Variants in E2F3 observed in about 807,000 individuals in gnomAD.
E2F3 encodes transcription factor E2F3.
E2F3 carries 11 observed loss-of-function variants against 44.4 expected under a neutral mutation model. That is an observed-to-expected ratio of 0.25 (90% CI 0.16 to 0.41). E2F3 has a LOEUF of 0.41. Among genes scored for constraint, E2F3 ranks in the 10% least tolerant of loss-of-function variants. The pLI is 1.00. For synonymous variants in E2F3, 249 were observed against 253.0 expected, an observed-to-expected ratio of 0.98 and a Z score of 0.15; for missense variants, 487 against 583.6, an observed-to-expected ratio of 0.83 and a Z score of 1.70.
chr6:20,490,024 G>T lies in E2F3; in HGVS notation c.1136-144G>T. Reference sequence around the variant, plus strand: ...TTTTTTGTACCTGTTAGCATAAAAGGTGATCTGCATCATAAAGTCGTCTCA... The same window carrying T: ...TTTTTTGTACCTGTTAGCATAAAAGTTGATCTGCATCATAAAGTCGTCTCA... On this transcript the variant is annotated intron_variant, in intron 6 of 6. Coordinates refer to ENST00000346618, the MANE Select transcript of E2F3 (RefSeq NM_001949.5). The surrounding 1 kb of genome is among the most constrained non-coding windows in gnomAD (Gnocchi z 4.3). 1 of 892,962 alleles carries T rather than the reference G, an allele frequency of 1.1e-6. No individual in the cohort carries two copies. Among genetic ancestry groups the T allele is most frequent in the Non-Finnish European group, 1.6e-6 (1 of 607,486 alleles). 55.3% of individuals were successfully genotyped at this position (892,962 alleles called of 1,614,324 possible).
chr6:20,434,980 C>T (rs757790446), intron 1 of E2F3, among the ~76,000 whole-genome samples: 2 of 152,164 alleles, frequency 1.3e-5, no homozygotes, highest in Non-Finnish European at 2.9e-5. Flanking sequence ...GCGCCAGGGC[C>T]GACAGATTTG....
At chr6:20,445,209 C>A in intron 1 of E2F3, 1 of 891,724 alleles carries the variant, frequency 1.1e-6, no homozygotes, top group Non-Finnish European at 1.3e-6. Flanking sequence ...CCCAGGATGA[C>A]AAGGCATTGA....
At chr6:20,486,580 A>AT (rs1561887688) in intron 4 of E2F3, 109 bp from the exon 5 acceptor site, 4 of 659,324 alleles carry the variant, frequency 6.1e-6, no homozygotes. Flanking sequence ...CCACATATGC[A>AT]TACTTCTAAG....
At chr6:20,477,245 T>C (rs1202828102) in intron 1 of E2F3, among the ~76,000 whole-genome samples, 1 of 152,124 alleles carries the variant, frequency 6.6e-6, no homozygotes, top group Non-Finnish European at 1.5e-5. Context: ...ACAGGTGTGA[T>C]CCATGCACCC....
intron 1 of E2F3, among the ~76,000 whole-genome samples, chr6:20,478,522 C>T (rs1252950330): frequency 6.6e-6 from 1 of 152,120 alleles, no homozygotes; most frequent in Admixed American, 6.5e-5. Context: ...GAAATTGCAA[C>T]TCTCGGCTGG....
Position 20,490,220 on chromosome 6 carries a change from C to T in E2F3, c.1188C>T (p.Asn396=). Residue 396 remains asparagine, a synonymous_variant, in exon 7 of 7, where the codon AAC becomes AAT. Transcript: ENST00000346618. This position sits in a 1 kb window ranked among gnomAD's most constrained non-coding sequence, Gnocchi z 4.3. ...GHSDCSVSMG[N]LSPLASPANL... is the part of the protein sequence containing the mutation. Reference sequence around the variant, plus strand: ...GCGATTGCTCAGTTTCTATGGGAAACCTTTCTCCTCTGGCCTCCCCAGCCA... The same window carrying T: ...GCGATTGCTCAGTTTCTATGGGAAATCTTTCTCCTCTGGCCTCCCCAGCCA... The T allele has an allele frequency of 6.2e-7, 1 of 1,614,038 alleles. No homozygotes were observed. The highest frequency in any genetic ancestry group is 8.5e-7 in the Non-Finnish European group (1 of 1,179,984).
intron 1 of E2F3, among the ~76,000 whole-genome samples, chr6:20,418,030 G>A (rs1216470098): frequency 6.6e-6 from 1 of 152,152 alleles, no homozygotes; most frequent in African/African-American, 2.4e-5. Flanking sequence ...TTCCTGCCTT[G>A]CTCTAGAGTG....
intron 1 of E2F3, among the ~76,000 whole-genome samples, chr6:20,438,790 C>T (rs538555181): frequency 3.9e-5 from 6 of 152,282 alleles, no homozygotes; most frequent in Admixed American, 6.5e-5. Flanking sequence ...GTTAAGTTAG[C>T]CAGATAATTG....
At chr6:20,451,024 C>T (rs1761113154) in intron 1 of E2F3, among the ~76,000 whole-genome samples, 1 of 152,228 alleles carries the variant, frequency 6.6e-6, no homozygotes, top group African/African-American at 2.4e-5. Context: ...GTTTTGGTTA[C>T]TGTGGCCCTA....
chr6:20,466,467 C>A (rs1485529955), intron 1 of E2F3, among the ~76,000 whole-genome samples: 1 of 152,120 alleles, frequency 6.6e-6, no homozygotes, highest in Non-Finnish European at 1.5e-5. Flanking sequence ...GGTAGTATTG[C>A]ATGGTGGTTT....
intron 1 of E2F3, among the ~76,000 whole-genome samples, chr6:20,407,291 A>C (rs1325868168): frequency 6.6e-6 from 1 of 152,220 alleles, no homozygotes; most frequent in Non-Finnish European, 1.5e-5. Context: ...CACTACAGGT[A>C]GCTCCACTAT....
intron 1 of E2F3, among the ~76,000 whole-genome samples, chr6:20,462,723 G>C (rs1431906762): frequency 6.6e-6 from 1 of 151,842 alleles, no homozygotes; most frequent in African/African-American, 2.4e-5. Context: ...CTCCCAAAGT[G>C]CTGGGATTAC....
rs1356593684 is a variant in E2F3 at position 20,480,108 on chromosome 6, C to A, written c.505+151C>A. 4 of 1,404,066 alleles carry A rather than the reference C, an allele frequency of 2.8e-6. No individual in the cohort carries two copies. The African/African-American group carries it at 5.8e-5, about 20-fold the overall frequency. 87.0% of individuals were successfully genotyped at this position (1,404,066 alleles called of 1,614,324 possible). On this transcript the variant is annotated intron_variant, in intron 2 of 6. Transcript: ENST00000346618. ...CTGTGCTTATCCAAAAAAATAAATA[C>A]AATGTCAGCAGACAACCAGTGAAAG...
intron 1 of E2F3, among the ~76,000 whole-genome samples, chr6:20,441,857 C>T (rs9368192): frequency 0.74 from 111,867 of 151,774 alleles, 45,806 homozygotes; most frequent in East Asian, 0.93. Flanking sequence ...CATGAGCCAC[C>T]GCTTCCGGCC....
chr6:20,451,835 T>A (rs1761142252), intron 1 of E2F3, among the ~76,000 whole-genome samples: 1 of 152,220 alleles, frequency 6.6e-6, no homozygotes, highest in Admixed American at 6.5e-5. Context: ...TTTTTGTCTT[T>A]AGTTGTTTAT....
At chr6:20,426,667 G>A (rs969179345) in intron 1 of E2F3, among the ~76,000 whole-genome samples, 5 of 152,228 alleles carry the variant, frequency 3.3e-5, no homozygotes, top group Non-Finnish European at 7.3e-5. Flanking sequence ...AGTGGTGCTT[G>A]TAACCCTGAA....
intron 4 of E2F3, 121 bp downstream of exon 4, chr6:20,483,041 G>A (rs1762281992): frequency 1.4e-6 from 2 of 1,418,996 alleles, no homozygotes; most frequent in Middle Eastern, 2.0e-4. Context: ...GAGTACCTGT[G>A]TGCCTGTGTG....
chr6:20,448,960 A>T (rs1581613240), intron 1 of E2F3, among the ~76,000 whole-genome samples: 1 of 152,236 alleles, frequency 6.6e-6, no homozygotes, highest in Non-Finnish European at 1.5e-5. Flanking sequence ...ATCTTCAGAG[A>T]CCTGCCTTAG....
chr6:20,446,706 C>T (rs1270910948), intron 1 of E2F3, among the ~76,000 whole-genome samples: 1 of 152,122 alleles, frequency 6.6e-6, no homozygotes, highest in East Asian at 1.9e-4. Context: ...GCTGGGACTA[C>T]TACAGGTGTG....
Sources: gnomAD v4.1 joint callset for allele counts (sites outside exome capture counted in the v4.1 genomes callset) on GRCh38, gnomAD v4.1.1 for gene constraint, Gnocchi (gnomAD v3.1) non-coding constraint, MANE v1.5 for transcripts, NCBI Gene and HGNC (gene_info 2026-07-23, HGNC 2026-07-21) for gene names.